EXOC4: variants seen among roughly 807,000 people sequenced by gnomAD.
EXOC4 encodes the protein exocyst complex component 4, also known as SEC8-like 1.
In EXOC4, 71 loss-of-function variants were observed where a neutral mutation model predicts 107.2. The observed-to-expected ratio is 0.66, with a 90% CI of 0.55 to 0.81. The LOEUF (loss-of-function observed/expected upper bound fraction) is 0.81, where lower values mean the gene tolerates loss of function less well. Ranked by LOEUF, EXOC4 falls within the 30% of genes least tolerant of loss-of-function variation. EXOC4 has a pLI of 0.00. For synonymous variants in EXOC4, 456 were observed against 441.2 expected (o/e 1.03, Z -0.42); for missense variants, 1,108 against 1,189.6 (o/e 0.93, Z 1.01).
intron 14 of EXOC4, among the ~76,000 whole-genome samples, chr7:133,949,449 G>A (rs141186647): frequency 0.012 from 1,813 of 152,246 alleles, 49 homozygotes; most frequent in African/African-American, 0.041. Context: ...CTCTAAGACT[G>A]ATGAAAAACC....
chr7:134,052,073 C>T (rs959603379), intron 17 of EXOC4, among the ~76,000 whole-genome samples: 7 of 152,160 alleles, frequency 4.6e-5, no homozygotes, highest in African/African-American at 1.7e-4. Flanking sequence ...TTAGGAAAAG[C>T]TGCTGTGCGT....
chr7:133,306,116 T>C, intron 4 of EXOC4, 55 bp downstream of exon 4: 2 of 1,374,990 alleles, frequency 1.5e-6, no homozygotes, highest in Non-Finnish European at 2.0e-6. Context: ...TTGGAAGGAA[T>C]ATTTTTTGTT....
At chr7:133,716,849 G>A (rs925393993) in intron 10 of EXOC4, among the ~76,000 whole-genome samples, 1 of 152,046 alleles carries the variant, frequency 6.6e-6, no homozygotes, top group Non-Finnish European at 1.5e-5. Context: ...CTGAGGCAGG[G>A]AAATCACTAG....
At chr7:133,931,868 T>C (rs1393381892) in intron 13 of EXOC4, among the ~76,000 whole-genome samples, 4 of 152,250 alleles carry the variant, frequency 2.6e-5, no homozygotes, top group Non-Finnish European at 5.9e-5. Context: ...GAATGGTGTC[T>C]GCAATTTACT....
At chr7:133,313,662 T>C (rs1794926892) in intron 4 of EXOC4, among the ~76,000 whole-genome samples, 1 of 152,234 alleles carries the variant, frequency 6.6e-6, no homozygotes, top group South Asian at 2.1e-4. Context: ...CTGTCAGCAC[T>C]TCTAACCCCT....
intron 10 of EXOC4, among the ~76,000 whole-genome samples, chr7:133,787,964 TA>T (rs1562997622): frequency 0.045 from 420 of 9,236 alleles, 28 homozygotes; most frequent in African/African-American, 0.11. Context: ...TTTATATATT[TA>T]TATATATATA....
At chr7:133,279,637 G>T (rs1187125835) in intron 2 of EXOC4, among the ~76,000 whole-genome samples, 1 of 152,098 alleles carries the variant, frequency 6.6e-6, no homozygotes, top group South Asian at 2.1e-4. Flanking sequence ...TCTTGCCTTA[G>T]CCTCCTGAGT....
chr7:133,292,034 C>G (rs906307564), intron 3 of EXOC4, among the ~76,000 whole-genome samples: 4 of 152,128 alleles, frequency 2.6e-5, no homozygotes, highest in Admixed American at 1.3e-4. Context: ...AAGAGATTCT[C>G]TCATCTTGCT....
At chr7:133,909,795 A>G (rs1232451082) in intron 12 of EXOC4, among the ~76,000 whole-genome samples, 10 of 152,214 alleles carry the variant, frequency 6.6e-5, no homozygotes, top group Non-Finnish European at 1.3e-4. Flanking sequence ...AAGACATGCA[A>G]GGTTTAAATA....
At chr7:133,873,637 CCTTTG>C (rs773786790) in intron 11 of EXOC4, among the ~76,000 whole-genome samples, 5 of 152,098 alleles carry the variant, frequency 3.3e-5, no homozygotes, top group Non-Finnish European at 5.9e-5. Context: ...AGATAATCTC[CCTTTG>C]CTTTGTTTTG....
chr7:133,700,654 T>C (rs1351095737), intron 10 of EXOC4, among the ~76,000 whole-genome samples: 1 of 152,214 alleles, frequency 6.6e-6, no homozygotes, highest in Non-Finnish European at 1.5e-5. Flanking sequence ...GATCATACTA[T>C]AATAAATAAT....
intron 5 of EXOC4, among the ~76,000 whole-genome samples, chr7:133,326,912 C>A (rs889939672): frequency 1.9e-4 from 29 of 152,326 alleles, no homozygotes; most frequent in African/African-American, 7.0e-4. Context: ...CAATGGCAGG[C>A]GCCCCTTCCC....
intron 11 of EXOC4, among the ~76,000 whole-genome samples, chr7:133,850,512 T>C (rs1798218781): frequency 1.3e-5 from 2 of 152,150 alleles, no homozygotes; most frequent in Non-Finnish European, 2.9e-5. Context: ...TGATTTTTTT[T>C]CCACGAGAAT....
intron 10 of EXOC4, among the ~76,000 whole-genome samples, chr7:133,780,154 T>C (rs17167259): frequency 0.12 from 18,763 of 152,044 alleles, 1,256 homozygotes; most frequent in Middle Eastern, 0.15. Context: ...CACTAATAGT[T>C]TTTTACAACT....
At chr7:133,367,714 T>C (rs949526720) in intron 6 of EXOC4, among the ~76,000 whole-genome samples, 1 of 152,204 alleles carries the variant, frequency 6.6e-6, no homozygotes, top group Non-Finnish European at 1.5e-5. Context: ...AGTTTCCTTG[T>C]CTATAAAATG....
In EXOC4 at chr7:133,755,210, A is replaced by ATG. The variant is rs200416174; in HGVS notation, c.1515-62103_1515-62102dup. ...CAGTTAGTAAACCATTTGTTTATAT[A>ATG]TGTGTGTGTGTGTATATATATATAA... On this transcript the variant is annotated intron_variant, in intron 10 of 17. Coordinates refer to ENST00000253861, the MANE Select transcript of EXOC4 (RefSeq NM_021807.4). Among the ~76,000 whole-genome samples the ATG allele has an allele frequency of 2.9e-3, 388 of 132,046 alleles. 8 individuals carry two copies. In the East Asian group the frequency reaches 0.056, roughly 19 times the overall value. The allele number at this position is 132,046 out of a possible 152,430, so 86.6% of individuals were successfully genotyped here. A position where few individuals can be genotyped will look rare whatever the true frequency, so the allele number is the denominator to read the frequency against.
chr7:134,099,927 G>A, the EXOC4 span, among the ~76,000 whole-genome samples: 5 of 151,904 alleles, frequency 3.3e-5, no homozygotes, highest in Middle Eastern at 3.4e-3. Flanking sequence ...GGCTGGTCTC[G>A]AACTGCTGAC....
the EXOC4 span, among the ~76,000 whole-genome samples, chr7:134,088,374 T>G: frequency 3.3e-5 from 5 of 152,198 alleles, no homozygotes; most frequent in Non-Finnish European, 7.4e-5. Context: ...AGAAACTAGG[T>G]AAACAAATAT....
chr7:133,825,081 G>A (rs886327663), intron 11 of EXOC4, among the ~76,000 whole-genome samples: 14 of 151,986 alleles, frequency 9.2e-5, no homozygotes, highest in African/African-American at 3.4e-4. Flanking sequence ...TAGTCTGGGT[G>A]GTACACACCT....
Sources: gnomAD v4.1 joint callset for allele counts (sites outside exome capture counted in the v4.1 genomes callset) on GRCh38, gnomAD v4.1.1 for gene constraint, MANE v1.5 for transcripts, NCBI Gene and HGNC (gene_info 2026-07-23, HGNC 2026-07-21) for gene names.